The following SLC9B2 variants were observed in gnomAD, a reference collection of about 807,000 sequenced individuals.
The protein encoded by SLC9B2 is solute carrier family 9 member B2.
SLC9B2 carries 39 observed loss-of-function variants against 52.2 expected under a neutral mutation model. The ratio of observed to expected loss-of-function variants is 0.75; its 90% confidence interval spans 0.58 to 0.98. The LOEUF is 0.98. SLC9B2 is among the 50% of genes least tolerant of loss of function. The pLI is 0.00. For missense variants in SLC9B2, 626 were observed against 637.5 expected, an observed-to-expected ratio of 0.98 and a Z score of 0.19; for synonymous variants, 214 against 227.0, an observed-to-expected ratio of 0.94 and a Z score of 0.51.
intron 5 of SLC9B2, among the ~76,000 whole-genome samples, chr4:103,050,029 G>A (rs1744526008): frequency 6.6e-6 from 1 of 151,030 alleles, no homozygotes. Flanking sequence ...AAAAAAAAAG[G>A]AAGAAAATGA....
At chr4:103,068,535 C>T (rs1018516605) in intron 1 of SLC9B2, among the ~76,000 whole-genome samples, 16 of 152,152 alleles carry the variant, frequency 1.1e-4, no homozygotes, top group African/African-American at 3.9e-4. Flanking sequence ...GAATAAAAGC[C>T]CTCTATTTAG....
intron 4 of SLC9B2, among the ~76,000 whole-genome samples, chr4:103,052,124 C>T (rs529114930): frequency 1.3e-5 from 2 of 152,304 alleles, no homozygotes; most frequent in East Asian, 1.9e-4. Flanking sequence ...CACCAGGGAC[C>T]GGTGTCGTGG....
At chr4:103,037,476 T>A (rs1743274619) in intron 9 of SLC9B2, among the ~76,000 whole-genome samples, 1 of 152,254 alleles carries the variant, frequency 6.6e-6, no homozygotes, top group Admixed American at 6.5e-5. Flanking sequence ...ACAATGTTTC[T>A]TTGTATTCTT....
downstream of SLC9B2, among the ~76,000 whole-genome samples, chr4:103,022,040 T>C (rs1741829568): frequency 1.3e-5 from 2 of 152,244 alleles, no homozygotes; most frequent in Non-Finnish European, 2.9e-5. Context: ...TATTTCCTTC[T>C]AAGGTTCTTA....
Position 103,045,005 on chromosome 4 carries a change from T to C in SLC9B2, c.890-9A>G, listed in dbSNP as rs1163542499. 1 of 1,591,906 alleles carries C rather than the reference T, an allele frequency of 6.3e-7. No individual in the cohort carries two copies. Among genetic ancestry groups the C allele is most frequent in the Non-Finnish European group, 8.6e-7 (1 of 1,163,480 alleles). On this transcript the variant is annotated splice_polypyrimidine_tract_variant and intron_variant, in intron 7 of 11. Transcript: ENST00000394785. ...ATTAAAGACAGTAGAGCCTGAAAAA[T>C]ATATTAAAAAAACTTAGAGCTCTAA...
chr4:103,043,545 A>AAAATGT (rs1262939259), intron 8 of SLC9B2, 100 bp from the exon 9 acceptor site: 1 of 1,119,900 alleles, frequency 8.9e-7, no homozygotes, highest in Admixed American at 2.8e-5. Flanking sequence ...AATAAAAATT[A>AAAATGT]AAATGTCTAT....
At chr4:103,071,447 C>A (rs1030331617) in intron 1 of SLC9B2, among the ~76,000 whole-genome samples, 1 of 149,912 alleles carries the variant, frequency 6.7e-6, no homozygotes, top group Admixed American at 6.7e-5. Flanking sequence ...TGCAATGGCA[C>A]GATCTCAGCT....
chr4:103,051,750 A>C (rs1199303005), intron 4 of SLC9B2, among the ~76,000 whole-genome samples: 1 of 152,158 alleles, frequency 6.6e-6, no homozygotes, highest in East Asian at 1.9e-4. Context: ...GTACCTATTC[A>C]AGTATATTTC....
intron 9 of SLC9B2, chr4:103,042,357 A>G (rs962013800): frequency 1.3e-5 from 2 of 152,172 alleles, no homozygotes; most frequent in African/African-American, 4.8e-5. Flanking sequence ...AGAATAGCAT[A>G]CAATCCTATC....
In SLC9B2 at chr4:103,023,777, T is replaced by C. The variant is rs1364411650; in HGVS notation, c.*2593A>G. ...GTATTGGCAGTGGCTTCAGGTGCCC[T>C]TCAATCATTTCTGTACTCTGTGGAC... On this transcript the variant is annotated 3_prime_UTR_variant, in exon 12 of 12. Coordinates refer to ENST00000394785, the MANE Select transcript of SLC9B2 (RefSeq NM_178833.7). Among the ~76,000 whole-genome samples, 1 of 152,192 alleles carries C rather than the reference T, an allele frequency of 6.6e-6. No individual in the cohort carries two copies. The highest frequency in any genetic ancestry group is 2.4e-5 in the African/African-American group (1 of 41,446).
At position 103,028,887 on chromosome 4, in the gene SLC9B2, T is replaced by C; in HGVS notation, c.1256-4A>G. The C allele has an allele frequency of 2.0e-6, 3 of 1,533,830 alleles. No individual in the cohort carries two copies. Among genetic ancestry groups the C allele is most frequent in the Non-Finnish European group, 1.7e-6 (2 of 1,149,850 alleles). On this transcript the variant is annotated splice_region_variant and splice_polypyrimidine_tract_variant and intron_variant, in intron 10 of 11. Transcript: ENST00000394785. Reference sequence around the variant, plus strand: ...CCTACGGTGGCAACACAAAGGCCTGTAAGAAATATTCAATTTTTAGAAATA... The same window carrying C: ...CCTACGGTGGCAACACAAAGGCCTGCAAGAAATATTCAATTTTTAGAAATA...
chr4:103,043,256 G>GA (rs1339337501), intron 9 of SLC9B2, 40 bp downstream of exon 9: 1 of 1,566,142 alleles, frequency 6.4e-7, no homozygotes, highest in African/African-American at 1.4e-5. Context: ...AATCTCATTA[G>GA]AAAAGAGTCA....
chr4:103,031,841 A>G (rs1416109692), intron 9 of SLC9B2, 33 bp from the exon 10 acceptor site: 5 of 1,584,496 alleles, frequency 3.2e-6, no homozygotes, highest in Admixed American at 1.7e-5. Context: ...ACAGATTTTT[A>G]TTATGTGAAG....
At chr4:103,064,119 T>C (rs1745893558) in intron 3 of SLC9B2, among the ~76,000 whole-genome samples, 1 of 152,126 alleles carries the variant, frequency 6.6e-6, no homozygotes, top group Non-Finnish European at 1.5e-5. Context: ...GGTACTACCA[T>C]ATGATCCTGC....
chr4:103,043,530 A>C (rs1250097509), intron 8 of SLC9B2, 85 bp from the exon 9 acceptor site: 1 of 1,245,622 alleles, frequency 8.0e-7, no homozygotes, highest in Non-Finnish European at 1.1e-6. Context: ...AGGATTTAGA[A>C]AGAAAATAAA....
chr4:103,031,601 G>T, intron 10 of SLC9B2, 99 bp downstream of exon 10: 1 of 818,966 alleles, frequency 1.2e-6, no homozygotes, highest in Non-Finnish European at 2.0e-6. Context: ...ACACATACCT[G>T]CTGGAGATAT....
At chr4:103,061,213 C>T (rs1437413850) in intron 3 of SLC9B2, among the ~76,000 whole-genome samples, 3 of 152,176 alleles carry the variant, frequency 2.0e-5, no homozygotes, top group East Asian at 1.9e-4. Context: ...TGCACACGTA[C>T]GTTTATTGAG....
At position 103,076,242 on chromosome 4, in the gene SLC9B2, G is replaced by C. The variant is rs912701239; in HGVS notation, c.-101C>G. The C allele has an allele frequency of 1.3e-5, 2 of 152,632 alleles. No homozygotes were observed. Among genetic ancestry groups the C allele is most frequent in the African/African-American group, 2.4e-5 (1 of 41,488 alleles). 9.5% of individuals were successfully genotyped at this position (152,632 alleles called of 1,614,324 possible). A position where few individuals can be genotyped will look rare whatever the true frequency, so the allele number is the denominator to read the frequency against. ...TCTGAACGATTAGGAAAGGGGCTGT[G>C]GGGGAGGCGGCGGAGCCCGGTCTAG... On this transcript the variant is annotated 5_prime_UTR_variant, in exon 1 of 12. Transcript: ENST00000394785.
chr4:103,039,403 G>A (rs964358567), intron 9 of SLC9B2, among the ~76,000 whole-genome samples: 2 of 152,142 alleles, frequency 1.3e-5, no homozygotes, highest in Non-Finnish European at 2.9e-5. Flanking sequence ...GACACACCTA[G>A]TAAAAGCTGT....
Sources: allele counts gnomAD v4.1 joint callset (sites outside exome capture counted in the v4.1 genomes callset), GRCh38; gene constraint gnomAD v4.1.1; transcripts MANE v1.5; gene names NCBI Gene and HGNC (gene_info 2026-07-23, HGNC 2026-07-21).